Variants in SPECC1 observed in about 807,000 individuals in gnomAD.
SPECC1 encodes the protein sperm antigen with calponin homology and coiled-coil domains 1.
A neutral mutation model predicts 104.1 loss-of-function variants in SPECC1; 62 were observed. That is an observed-to-expected ratio of 0.60 (90% CI 0.49 to 0.74). The LOEUF is 0.74. Ranked by LOEUF, SPECC1 falls within the 30% of genes least tolerant of loss-of-function variation. The pLI is 0.00. For synonymous variants in SPECC1, 513 were observed against 501.6 expected, an observed-to-expected ratio of 1.02 and a Z score of -0.30; for missense variants, 1,306 against 1,310.5, an observed-to-expected ratio of 1.00 and a Z score of 0.05.
intron 14 of SPECC1, among the ~76,000 whole-genome samples, chr17:20,313,656 T>G (rs2041990007): frequency 6.6e-6 from 1 of 152,246 alleles, no homozygotes; most frequent in Admixed American, 6.5e-5. Context: ...TTTAGAAACT[T>G]GGAAATCATT....
chr17:20,033,409 C>T (rs1189484390), intron 1 of SPECC1, among the ~76,000 whole-genome samples: 1 of 152,092 alleles, frequency 6.6e-6, no homozygotes, highest in East Asian at 1.9e-4. Context: ...TGATTTCCCC[C>T]TGTCTTGGTT....
Position 20,167,354 on chromosome 17 carries a change from A to G in SPECC1, c.284-36979A>G, listed in dbSNP as rs542251638. ...AAATGAAACACTTGGACAGAAAAATATTCTTGGAAGATGTCACAAAGTGAC... is the reference window on the plus strand; with the variant it reads ...AAATGAAACACTTGGACAGAAAAATGTTCTTGGAAGATGTCACAAAGTGAC... On this transcript the variant is annotated intron_variant, in intron 3 of 14. Coordinates refer to ENST00000395527, the MANE Select transcript of SPECC1 (RefSeq NM_001243439.2). Among the ~76,000 whole-genome samples, 10 of 152,204 alleles carry G rather than the reference A, an allele frequency of 6.6e-5. No individual in the cohort carries two copies. The East Asian group carries it at 1.9e-3, about 29-fold the overall frequency.
At chr17:20,107,206 A>G (rs1364971943) in intron 2 of SPECC1, among the ~76,000 whole-genome samples, 3 of 150,836 alleles carry the variant, frequency 2.0e-5, no homozygotes, top group African/African-American at 7.3e-5. Context: ...TTATGCTGAC[A>G]TCTAGTAACT....
chr17:20,236,844 G>T (rs377347091), intron 7 of SPECC1: 1 of 1,613,682 alleles, frequency 6.2e-7, no homozygotes, highest in Admixed American at 1.7e-5. Flanking sequence ...TCTCCCTCCC[G>T]TTTCTATTTT....
chr17:20,223,829 T>G (rs1438696834), intron 4 of SPECC1, among the ~76,000 whole-genome samples: 1 of 152,242 alleles, frequency 6.6e-6, no homozygotes, highest in Non-Finnish European at 1.5e-5. Flanking sequence ...CTGGGATTGG[T>G]CACTGGTGTC....
In SPECC1 at chr17:20,246,014, C is replaced by T. The variant is rs1294982557; in HGVS notation, c.2440C>T (p.Pro814Ser). 1 of 1,614,076 alleles carries T rather than the reference C, an allele frequency of 6.2e-7. No individual in the cohort carries two copies. Among genetic ancestry groups the T allele is most frequent in the Non-Finnish European group, 8.5e-7 (1 of 1,180,012 alleles). The part of the protein sequence containing the change: ...VCVSRTSPTP[P>S]ESATTVKSLI... ...TGTTAGCAGAACATCTCCAACACCCCCAGAGTCGGCAACCACCGTTAAGTC... is the reference window on the plus strand; with the variant it reads ...TGTTAGCAGAACATCTCCAACACCCTCAGAGTCGGCAACCACCGTTAAGTC... The change falls in exon 8 of 15, where the codon CCA (proline) becomes TCA (serine). Residue 814 changes from proline to serine, a missense_variant. By Grantham distance (74) the Pro-to-Ser change is moderately conservative. Transcript: ENST00000395527.
chr17:20,247,962 T>C (rs2151546959), intron 9 of SPECC1, among the ~76,000 whole-genome samples: 1 of 152,290 alleles, frequency 6.6e-6, no homozygotes, highest in South Asian at 2.1e-4. Flanking sequence ...AGTTGGCCCA[T>C]TAAAGGAGCT....
chr17:20,263,184 G>A (rs917142790), intron 12 of SPECC1, among the ~76,000 whole-genome samples: 4 of 149,762 alleles, frequency 2.7e-5, no homozygotes, highest in South Asian at 2.2e-4. Flanking sequence ...CCACGCTGCC[G>A]AGGACACGGG....
At position 20,316,059 on chromosome 17, in the gene SPECC1, G is replaced by T; in HGVS notation, c.*1994G>T. 4.3e-6 allele frequency: 1 copy of T among 232,632 alleles called. No individual in the cohort carries two copies. Among genetic ancestry groups the T allele is most frequent in the Non-Finnish European group, 8.5e-6 (1 of 117,650 alleles). The allele number at this position is 232,632 out of a possible 1,614,324, so 14.4% of individuals were successfully genotyped here. A position where few individuals can be genotyped will look rare whatever the true frequency, so the allele number is the denominator to read the frequency against. On this transcript the variant is annotated 3_prime_UTR_variant, in exon 15 of 15. Coordinates refer to ENST00000395527, the MANE Select transcript of SPECC1 (RefSeq NM_001243439.2). ...GGGAGCTCCTGAGCAGCTGTTGGGC[G>T]ATGGTCATTACATCACCCATGCCTT... is the stretch of plus-strand genomic sequence containing the variant.
intron 7 of SPECC1, among the ~76,000 whole-genome samples, chr17:20,245,493 T>A (rs1172537379): frequency 6.6e-6 from 1 of 152,068 alleles, no homozygotes; most frequent in East Asian, 1.9e-4. Context: ...AGGAGAGCTG[T>A]GAGATTTCAT....
chr17:20,040,186 T>C (rs577759968), intron 1 of SPECC1, among the ~76,000 whole-genome samples: 46 of 152,176 alleles, frequency 3.0e-4, no homozygotes, highest in African/African-American at 8.9e-4. Flanking sequence ...TACACACATA[T>C]ATTTATATAT....
intron 3 of SPECC1, chr17:20,156,025 G>T (rs2032452861): frequency 2.3e-6 from 3 of 1,286,950 alleles, no homozygotes; most frequent in Non-Finnish European, 3.0e-6. Context: ...GGGCGCGGGA[G>T]AGCAGCGGCT....
intron 3 of SPECC1, among the ~76,000 whole-genome samples, chr17:20,142,488 C>G (rs1227878611): frequency 6.6e-6 from 1 of 152,130 alleles, no homozygotes; most frequent in East Asian, 1.9e-4. Flanking sequence ...TCAGGCCAGC[C>G]TTAAAAAGAA....
chr17:20,111,409 T>C (rs901641239), intron 3 of SPECC1, among the ~76,000 whole-genome samples: 2 of 152,252 alleles, frequency 1.3e-5, no homozygotes, highest in Non-Finnish European at 2.9e-5. Flanking sequence ...ATACAAGGTA[T>C]TCTTTTCTTG....
intron 4 of SPECC1, among the ~76,000 whole-genome samples, chr17:20,220,961 T>G (rs2037837870): frequency 6.6e-6 from 1 of 152,110 alleles, no homozygotes; most frequent in Non-Finnish European, 1.5e-5. Context: ...TTTCATTTGG[T>G]TGATACCACA....
At chr17:20,280,908 A>G (rs1319507154) in intron 12 of SPECC1, among the ~76,000 whole-genome samples, 1 of 152,212 alleles carries the variant, frequency 6.6e-6, no homozygotes, top group East Asian at 1.9e-4. Flanking sequence ...CACTAATTTA[A>G]TCTAGCCACT....
rs536643464 is a variant in SPECC1 at position 20,182,684 on chromosome 17, A to G, written c.284-21649A>G. On this transcript the variant is annotated intron_variant, in intron 3 of 14. Transcript: ENST00000395527. The stretch of plus-strand genomic sequence containing the variant: ...GTACGTATTTGTGACTTAGTATAAC[A>G]TTTTCAATGACAGCGTAATACTATC... Among the ~76,000 whole-genome samples the G allele has an allele frequency of 1.6e-4, 25 of 152,344 alleles. 1 individual carries two copies. The highest frequency in any genetic ancestry group is 5.5e-4 in the African/African-American group (23 of 41,586).
intron 14 of SPECC1, among the ~76,000 whole-genome samples, chr17:20,313,688 A>AT (rs1302578608): frequency 6.6e-6 from 1 of 152,208 alleles, no homozygotes; most frequent in African/African-American, 2.4e-5. Context: ...ATTATGGGTG[A>AT]TTTTTGCTTT....
intron 3 of SPECC1, among the ~76,000 whole-genome samples, chr17:20,152,882 GTCTTGATC>G (rs2032140307): frequency 6.6e-6 from 1 of 152,150 alleles, no homozygotes; most frequent in African/African-American, 2.4e-5. Context: ...TGGCCAGATG[GTCTTGATC>G]TCTTGACCTC....
Sources: allele counts gnomAD v4.1 joint callset (sites outside exome capture counted in the v4.1 genomes callset), GRCh38; gene constraint gnomAD v4.1.1; transcripts MANE v1.5; gene names NCBI Gene and HGNC (gene_info 2026-07-23, HGNC 2026-07-21).